The following TEAD2 variants were observed in gnomAD, a reference collection of about 807,000 sequenced individuals.
TEAD2 encodes the protein transcriptional enhancer factor TEF-4.
TEAD2 carries 51 observed loss-of-function variants against 61.4 expected under a neutral mutation model. The observed-to-expected ratio is 0.83, with a 90% confidence interval of 0.66 to 1.05. The LOEUF (loss-of-function observed/expected upper bound fraction) is 1.05. TEAD2 is among the 50% of genes least tolerant of loss of function. The pLI is 0.00. For missense variants in TEAD2, 509 were observed against 600.0 expected (o/e 0.85, Z 1.58); for synonymous variants, 244 against 243.2 (o/e 1.00, Z -0.03).
intron 7 of TEAD2, among the ~76,000 whole-genome samples, chr19:49,353,631 C>A (rs949666309): frequency 6.6e-6 from 1 of 152,084 alleles, no homozygotes; most frequent in African/African-American, 2.4e-5. Flanking sequence ...CAGTGCCTGC[C>A]CAGCCCCCTA....
chr19:49,352,888 C>A (rs1171323280), intron 7 of TEAD2, among the ~76,000 whole-genome samples: 1 of 151,822 alleles, frequency 6.6e-6, no homozygotes, highest in Non-Finnish European at 1.5e-5. Flanking sequence ...CTGTCTCCTC[C>A]CCCGCCCACC....
At chr19:49,352,727 A>G (rs1293574115) in intron 7 of TEAD2, among the ~76,000 whole-genome samples, 1 of 151,952 alleles carries the variant, frequency 6.6e-6, no homozygotes, top group Non-Finnish European at 1.5e-5. Flanking sequence ...TTTAGTAGAG[A>G]CGGGGTTTCA....
At chr19:49,348,246 T>C (rs1392659709) in intron 9 of TEAD2, among the ~76,000 whole-genome samples, 1 of 152,158 alleles carries the variant, frequency 6.6e-6, no homozygotes, top group Non-Finnish European at 1.5e-5. Flanking sequence ...CCCTAAGAGT[T>C]AGGAGCTGTT....
chr19:49,356,027 G>T, intron 4 of TEAD2, 57 bp from the exon 5 acceptor site: 2 of 1,229,946 alleles, frequency 1.6e-6, no homozygotes, highest in South Asian at 3.8e-5. Flanking sequence ...GACTTAGGAA[G>T]TACGGCCCGG....
At position 49,347,222 on chromosome 19, in the gene TEAD2, G is replaced by T. The variant is rs373070757; in HGVS notation, c.889C>A (p.Pro297Thr). The change falls in exon 10 of 13, where the codon CCC (proline) becomes ACC (threonine). Residue 297 changes from proline (P) to threonine (T), a missense_variant. Pro to Thr is a conservative substitution (Grantham distance 38). Coordinates refer to ENST00000593945, the MANE Select transcript of TEAD2 (RefSeq NM_001256660.2). The stretch of plus-strand genomic sequence containing the variant: ...TTGACCAGGAAGAAGGCATGGGGGG[G>T]GCCACGATCATATAGCTCTCGGAGG... ...GGLRELYDRG[P>T]PHAFFLVKFW... 7.4e-6 allele frequency: 12 copies of T among 1,614,070 alleles called. No homozygotes were observed. The highest frequency in any genetic ancestry group is 2.2e-5 in the East Asian group (1 of 44,878).
chr19:49,350,493 T>G (rs1971943134), intron 8 of TEAD2, among the ~76,000 whole-genome samples: 1 of 151,838 alleles, frequency 6.6e-6, no homozygotes, highest in South Asian at 2.1e-4. Context: ...GCCTGGCTAA[T>G]TTTTGTATTT....
intron 7 of TEAD2, among the ~76,000 whole-genome samples, chr19:49,351,852 GGT>G (rs1451172592): frequency 6.6e-6 from 1 of 152,040 alleles, no homozygotes; most frequent in African/African-American, 2.4e-5. Flanking sequence ...AGAGTGTGGT[GGT>G]GCGCGCCTGT....
intron 10 of TEAD2, among the ~76,000 whole-genome samples, chr19:49,346,162 T>C (rs1360000278): frequency 1.1e-4 from 9 of 80,768 alleles, no homozygotes; most frequent in African/African-American, 4.3e-4. Context: ...CAAAATTCCA[T>C]CTCAAAAAAA....
In TEAD2 at chr19:49,360,040, A is replaced by G. The variant is rs370188357; in HGVS notation, c.36T>C (p.Asp12=). 2.9e-5 allele frequency: 46 copies of G among 1,607,826 alleles called. No individual in the cohort carries two copies. In the African/African-American group the frequency reaches 5.2e-4, roughly 18 times the overall value. Residue 12 remains aspartate, a synonymous_variant, in exon 2 of 13, where the codon GAT becomes GAC. Coordinates refer to ENST00000593945, the MANE Select transcript of TEAD2 (RefSeq NM_001256660.2). Reference sequence around the variant, plus strand: ...CCTCACTGCCCGTCCAGCCGCTGCCATCGTCCAGGGCGGCCCCAGCCCGGG... The same window carrying G: ...CCTCACTGCCCGTCCAGCCGCTGCCGTCGTCCAGGGCGGCCCCAGCCCGGG... ...GEPRAGAALD[D]GSGWTGSEEG...
intron 3 of TEAD2, among the ~76,000 whole-genome samples, chr19:49,358,874 G>T (rs112989897): frequency 2.0e-5 from 3 of 151,206 alleles, no homozygotes; most frequent in South Asian, 4.3e-4. Context: ...CTCCTGATCC[G>T]CTCACCTAAA....
At chr19:49,357,571 T>C (rs918844133) in intron 3 of TEAD2, 2 of 566,880 alleles carry the variant, frequency 3.5e-6, no homozygotes, top group Non-Finnish European at 6.3e-6. Context: ...CTACTCTGGG[T>C]CTAACACAAC....
chr19:49,342,863 T>A (rs1033420311), intron 11 of TEAD2, among the ~76,000 whole-genome samples: 1 of 152,040 alleles, frequency 6.6e-6, no homozygotes, highest in African/African-American at 2.4e-5. Flanking sequence ...AGCCCTCAGA[T>A]ACCCTCCAAA....
rs753844195 is a variant in TEAD2, at chr19:49,342,398, A to T, written c.1242+40T>A. ...GGTCTGTTATAGGTACTGTCCCTCC[A>T]CACTGGGGGGCCCCACTCCAGCCCA... On this transcript the variant is annotated intron_variant, in intron 12 of 12. Coordinates refer to ENST00000593945, the MANE Select transcript of TEAD2 (RefSeq NM_001256660.2). The T allele has an allele frequency of 4.4e-6, 7 of 1,606,604 alleles. No homozygotes were observed. The East Asian group carries it at 1.3e-4, about 31-fold the overall frequency.
intron 8 of TEAD2, among the ~76,000 whole-genome samples, chr19:49,350,517 G>T (rs1971945842): frequency 6.7e-6 from 1 of 150,318 alleles, no homozygotes; most frequent in African/African-American, 2.4e-5. Context: ...AGTAGAGGTT[G>T]GGGGGGGTGG....
chr19:49,346,606 A>G (rs1284284859), intron 10 of TEAD2, among the ~76,000 whole-genome samples: 1 of 151,950 alleles, frequency 6.6e-6, no homozygotes, highest in African/African-American at 2.4e-5. Context: ...GCCGTGAGCC[A>G]AGATACAGCC....
At chr19:49,357,154 G>T in intron 4 of TEAD2, 98 bp downstream of exon 4, 1 of 1,214,670 alleles carries the variant, frequency 8.2e-7, no homozygotes, top group Non-Finnish European at 1.2e-6. Flanking sequence ...CTAAGTCTCT[G>T]TCCCCCTCTC....
intron 7 of TEAD2, 139 bp downstream of exon 7, chr19:49,355,009 A>ACATACATACATG (rs1312003420): frequency 3.4e-5 from 18 of 534,392 alleles, no homozygotes; most frequent in Admixed American, 6.0e-5. Context: ...GTCAATAAAT[A>ACATACATACATG]CATACATACA....
At chr19:49,347,128 G>A in intron 10 of TEAD2, 62 bp downstream of exon 10, 1 of 1,589,386 alleles carries the variant, frequency 6.3e-7, no homozygotes, top group Non-Finnish European at 8.6e-7. Flanking sequence ...CTCAGGGCCA[G>A]AGGCCTTTGC....
In TEAD2 at chr19:49,355,954, C is replaced by T; in HGVS notation, c.372+5G>A. On this transcript the variant is annotated splice_donor_5th_base_variant and intron_variant, in intron 5 of 12. Coordinates refer to ENST00000593945, the MANE Select transcript of TEAD2 (RefSeq NM_001256660.2). The stretch of plus-strand genomic sequence containing the variant: ...GTGGGTGGGAGGATGGGCAGAGGAA[C>T]TTACCACGTTCAGAGCCTGCCCGTG... The T allele has an allele frequency of 7.9e-7, 1 of 1,262,200 alleles. No individual in the cohort carries two copies. The highest frequency in any genetic ancestry group is 1.0e-6 in the Non-Finnish European group (1 of 1,003,800). The allele number at this position is 1,262,200 out of a possible 1,614,324, so 78.2% of individuals were successfully genotyped here.
Sources: allele counts gnomAD v4.1 joint callset (sites outside exome capture counted in the v4.1 genomes callset), GRCh38; gene constraint gnomAD v4.1.1; transcripts MANE v1.5; gene names NCBI Gene and HGNC (gene_info 2026-07-23, HGNC 2026-07-21).